The following GBA1 variants were observed in gnomAD, a reference collection of about 807,000 sequenced individuals.
The protein encoded by GBA1 is lysosomal acid glucosylceramidase.
At chr1:155,237,134 T>G in the GBA1 span, among the ~76,000 whole-genome samples, 1 of 152,106 alleles carries the variant, frequency 6.6e-6, no homozygotes, top group Admixed American at 6.5e-5. Context: ...CTTCCCAAAG[T>G]GCTGGGTTTG....
At chr1:155,243,569 AT>A in the GBA1 span, among the ~76,000 whole-genome samples, 1 of 152,014 alleles carries the variant, frequency 6.6e-6, no homozygotes, top group African/African-American at 2.4e-5. Flanking sequence ...AGAATAAGCA[AT>A]CCTCCCACCT....
chr1:155,244,211 A>G, the GBA1 span: 1 of 152,138 alleles, frequency 6.6e-6, no homozygotes, highest in Non-Finnish European at 1.5e-5. Flanking sequence ...CAGCCTGACC[A>G]ACATGGTGAA....
the GBA1 span, chr1:155,240,641 G>A: frequency 1.5e-5 from 25 of 1,613,252 alleles, no homozygotes; most frequent in Middle Eastern, 1.6e-4. Flanking sequence ...TGATGCCCAC[G>A]ACACTGCCTG....
the GBA1 span, among the ~76,000 whole-genome samples, chr1:155,239,213 G>C: frequency 6.7e-6 from 1 of 148,536 alleles, no homozygotes; most frequent in South Asian, 2.1e-4. Flanking sequence ...GCGAGACTCT[G>C]TCTCAAAAAA....
At chr1:155,236,192 C>G in the GBA1 span, 6 of 1,470,384 alleles carry the variant, frequency 4.1e-6, no homozygotes, top group African/African-American at 4.2e-5. Context: ...TTTGGTGAAA[C>G]TAGTAAGAGG....
At chr1:155,237,850 G>A in the GBA1 span, 1 of 681,166 alleles carries the variant, frequency 1.5e-6, no homozygotes, top group Non-Finnish European at 2.4e-6. Context: ...TACAGTGAGT[G>A]AAGATGGCGC....
At chr1:155,238,759 C>T in the GBA1 span, 1 of 1,596,266 alleles carries the variant, frequency 6.3e-7, no homozygotes, top group Non-Finnish European at 8.6e-7. Context: ...CCAAAGGGAA[C>T]TTGGGCTCCT....
chr1:155,241,909 TCTTC>T, the GBA1 span, among the ~76,000 whole-genome samples: 1 of 152,180 alleles, frequency 6.6e-6, no homozygotes, highest in African/African-American at 2.4e-5. Context: ...TAATAACTGT[TCTTC>T]CTTCCTCACA....
the GBA1 span, chr1:155,241,129 G>A: frequency 6.2e-7 from 1 of 1,613,636 alleles, no homozygotes. Flanking sequence ...AGGGTCATTA[G>A]ATGAAGAGAA....
the GBA1 span, chr1:155,239,575 G>C: frequency 1.9e-6 from 3 of 1,612,106 alleles, no homozygotes; most frequent in Non-Finnish European, 2.5e-6. Flanking sequence ...AAAACGAAAA[G>C]TTTCAATGGC....
At chr1:155,237,623 C>G in the GBA1 span, 308 of 1,608,656 alleles carry the variant, frequency 1.9e-4, 1 homozygote, top group South Asian at 4.9e-4. Context: ...GAAAGTGGAC[C>G]AGACCAGCTG....
At chr1:155,237,874 C>T in the GBA1 span, 1 of 646,722 alleles carries the variant, frequency 1.5e-6, no homozygotes, top group South Asian at 2.0e-5. Flanking sequence ...AGCACTCCAG[C>T]CTGGGTGACA....
At chr1:155,236,097 G>A in the GBA1 span, 3 of 809,310 alleles carry the variant, frequency 3.7e-6, no homozygotes, top group Non-Finnish European at 6.3e-6. Context: ...GAAGGAAAGG[G>A]AAGATAGGGA....
chr1:155,235,327 G>C, the GBA1 span: 3 of 1,608,270 alleles, frequency 1.9e-6, no homozygotes, highest in South Asian at 2.2e-5. Context: ...TGTGGGAACA[G>C]ATGGTCAGAG....
chr1:155,241,351 T>A, the GBA1 span: 3 of 611,418 alleles, frequency 4.9e-6, no homozygotes, highest in African/African-American at 3.7e-5. Flanking sequence ...TGGCTTCCTC[T>A]CATCTGTTAC....
At chr1:155,241,013 G>A in the GBA1 span, 2 of 1,366,848 alleles carry the variant, frequency 1.5e-6, no homozygotes, top group African/African-American at 2.9e-5. Context: ...AAGAGAGTCT[G>A]TCATTCATTA....
At chr1:155,241,364 AT>A in the GBA1 span, 1 of 597,494 alleles carries the variant, frequency 1.7e-6, no homozygotes, top group Admixed American at 3.0e-5. Context: ...TCTGTTACAG[AT>A]TATATGCCCT....
the GBA1 span, chr1:155,240,293 G>A: frequency 4.0e-5 from 24 of 606,956 alleles, no homozygotes; most frequent in South Asian, 5.9e-5. Flanking sequence ...GTGAAACCCC[G>A]TCTCTACTAA....
the GBA1 span, chr1:155,240,522 A>G: frequency 1.1e-6 from 1 of 887,358 alleles, no homozygotes; most frequent in Non-Finnish European, 1.9e-6. Context: ...AAAAGGATTT[A>G]TTGAGCACCT....
Sources: gnomAD v4.1 joint callset for allele counts (sites outside exome capture counted in the v4.1 genomes callset) on GRCh38, gnomAD v4.1.1 for gene constraint, MANE v1.5 for transcripts, NCBI Gene and HGNC (gene_info 2026-07-23, HGNC 2026-07-21) for gene names.